The following CADPS2 variants were observed in gnomAD, a reference collection of about 807,000 sequenced individuals.
CADPS2 encodes the protein calcium dependent secretion activator 2, also known as calcium-dependent secretion activator 2.
A neutral mutation model predicts 172.5 loss-of-function variants in CADPS2; 93 were observed. That is an observed-to-expected ratio of 0.54 (90% CI 0.46 to 0.64). The LOEUF (loss-of-function observed/expected upper bound fraction) is 0.64, where lower values mean the gene tolerates loss of function less well. Ranked by LOEUF, CADPS2 falls within the 30% of genes least tolerant of loss-of-function variation. The pLI, the probability that CADPS2 is intolerant of heterozygous loss-of-function variation, is 0.00. For missense variants in CADPS2, 1,420 were observed against 1,565.9 expected, an observed-to-expected ratio of 0.91 and a Z score of 1.57; for synonymous variants, 546 against 555.2, an observed-to-expected ratio of 0.98 and a Z score of 0.23.
chr7:122,692,094 C>T (rs747636733), intron 2 of CADPS2, among the ~76,000 whole-genome samples: 1 of 152,188 alleles, frequency 6.6e-6, no homozygotes, highest in Admixed American at 6.5e-5. Flanking sequence ...TACACTTCCA[C>T]CTGACTGCAG....
At chr7:122,429,815 A>G (rs78871266) in intron 17 of CADPS2, among the ~76,000 whole-genome samples, 5,164 of 152,238 alleles carry the variant, frequency 0.034, 270 homozygotes, top group African/African-American at 0.12. Flanking sequence ...GAAAACTGTT[A>G]TATCATCTTA....
intron 16 of CADPS2, among the ~76,000 whole-genome samples, chr7:122,441,288 T>A (rs1013833256): frequency 1.3e-5 from 2 of 152,020 alleles, no homozygotes; most frequent in Non-Finnish European, 2.9e-5. Context: ...AAAGATGCCA[T>A]AATATGAGGA....
intron 1 of CADPS2, among the ~76,000 whole-genome samples, chr7:122,873,283 AT>A (rs1175038894): frequency 1.3e-5 from 2 of 152,142 alleles, no homozygotes; most frequent in African/African-American, 4.8e-5. Context: ...CCACTATGTC[AT>A]CTACATTAGG....
At chr7:122,709,655 C>T (rs1392294639) in intron 2 of CADPS2, among the ~76,000 whole-genome samples, 1 of 151,978 alleles carries the variant, frequency 6.6e-6, no homozygotes, top group African/African-American at 2.4e-5. Context: ...TTGGAACCAA[C>T]CCAAATGTCC....
intron 27 of CADPS2, among the ~76,000 whole-genome samples, chr7:122,356,765 C>T (rs904553072): frequency 1.3e-5 from 2 of 152,170 alleles, no homozygotes; most frequent in African/African-American, 4.8e-5. Flanking sequence ...CTAGCTTAGG[C>T]CACTGGGAGC....
intron 2 of CADPS2, among the ~76,000 whole-genome samples, chr7:122,734,356 TAAAAAAAAAAAAAAAAAAAAAA>T (rs558421546): frequency 4.5e-4 from 21 of 46,282 alleles, no homozygotes; most frequent in African/African-American, 1.7e-3. Flanking sequence ...CCAGAAATAG[TAAAAAAAAAAAAAAAAAAAAAA>T]AAAAAAAAGA....
rs1380101908 is a variant in CADPS2 at position 122,886,374 on chromosome 7, C to T, written c.-37G>A. ...ATCCCCGCCGCTCGGCCCGCGGTCC[C>T]CAAGCGCCTCACCCCCGGCGGCTGC... On this transcript the variant is annotated 5_prime_UTR_variant, in exon 1 of 30. Transcript: ENST00000449022. The T allele has an allele frequency of 2.7e-6, 4 of 1,482,532 alleles. No homozygotes were observed. Among genetic ancestry groups the T allele is most frequent in the Middle Eastern group, 2.3e-4 (1 of 4,392 alleles). 91.8% of individuals were successfully genotyped at this position (1,482,532 alleles called of 1,614,324 possible).
Position 122,466,852 on chromosome 7 carries a change from A to G in CADPS2, c.2186+4523T>C, listed in dbSNP as rs1038580989. ...AGTTCATCAGTAGAGGAGCCAGAAC[A>G]GGAATACAGATGCTCTGATTCCTCA... is the stretch of plus-strand genomic sequence containing the variant. On this transcript the variant is annotated intron_variant, in intron 14 of 29. Transcript: ENST00000449022. 2.7e-4 allele frequency among the ~76,000 whole-genome samples: 41 copies of G among 152,190 alleles called. 1 individual carries two copies. The highest frequency in any genetic ancestry group is 1.5e-5 in the Non-Finnish European group (1 of 68,034).
At chr7:122,619,311 A>G (rs920947803) in intron 5 of CADPS2, among the ~76,000 whole-genome samples, 1 of 152,148 alleles carries the variant, frequency 6.6e-6, no homozygotes, top group African/African-American at 2.4e-5. Flanking sequence ...TTGCTCTACA[A>G]ATTATTTTTT....
At chr7:122,574,089 C>T (rs983569210) in intron 7 of CADPS2, among the ~76,000 whole-genome samples, 45 of 151,654 alleles carry the variant, frequency 3.0e-4, no homozygotes, top group Non-Finnish European at 5.0e-4. Flanking sequence ...AAATTATTTA[C>T]GCAAAATGAG....
At position 122,361,492 on chromosome 7, in the gene CADPS2, A is replaced by C. The variant is rs569098812; in HGVS notation, c.3388-479T>G. ...TGTGATCCACCCGCCTTGGCCTCCC[A>C]AAGTACTGGGATTACAGGTGTGAGC... On this transcript the variant is annotated intron_variant, in intron 25 of 29. Transcript: ENST00000449022. Among the ~76,000 whole-genome samples, 11 of 152,078 alleles carry C rather than the reference A, an allele frequency of 7.2e-5. No homozygotes were observed. In the East Asian group the frequency reaches 1.9e-3, roughly 27 times the overall value.
intron 8 of CADPS2, among the ~76,000 whole-genome samples, chr7:122,530,858 GAAC>G (rs566455145): frequency 6.6e-6 from 1 of 152,138 alleles, no homozygotes; most frequent in Non-Finnish European, 1.5e-5. Flanking sequence ...CTTGATCTCA[GAAC>G]AACAGGATCA....
chr7:122,361,052 T>C, intron 25 of CADPS2, 39 bp from the exon 26 acceptor site: 1 of 1,519,786 alleles, frequency 6.6e-7, no homozygotes, highest in Non-Finnish European at 9.1e-7. Flanking sequence ...AATGTTACTA[T>C]GCATACAAAC....
chr7:122,848,191 T>G (rs1334007992), intron 1 of CADPS2, among the ~76,000 whole-genome samples: 1 of 152,166 alleles, frequency 6.6e-6, no homozygotes, highest in African/African-American at 2.4e-5. Flanking sequence ...AAAGCAATGC[T>G]CTTACTCTCA....
In CADPS2 at chr7:122,736,986, G is replaced by T. The variant is rs1411636409; in HGVS notation, c.422C>A (p.Ala141Glu). 1 of 1,611,340 alleles carries T rather than the reference G, an allele frequency of 6.2e-7. No homozygotes were observed. The highest frequency in any genetic ancestry group is 8.5e-7 in the Non-Finnish European group (1 of 1,177,668). Residue 141 changes from alanine to glutamate, a missense_variant, in exon 2 of 30, where the codon GCA (alanine) becomes GAA (glutamate). Physicochemically the swap from Ala to Glu is moderately radical, Grantham distance 107 (BLOSUM62 -1). Coordinates refer to ENST00000449022, the MANE Select transcript of CADPS2 (RefSeq NM_017954.11). ...NGETQIVADE[A>E]FCNAVRSYYE... Reference sequence around the variant, plus strand: ...ATAACTCCGAACTGCGTTGCAAAATGCTTCGTCAGCTACAATTTGGGTTTC... The same window carrying T: ...ATAACTCCGAACTGCGTTGCAAAATTCTTCGTCAGCTACAATTTGGGTTTC...
intron 1 of CADPS2, among the ~76,000 whole-genome samples, chr7:122,876,506 C>G (rs572210959): frequency 9.9e-5 from 15 of 152,146 alleles, no homozygotes; most frequent in Non-Finnish European, 1.9e-4. Context: ...GGAACACAGG[C>G]ATGAGTCGCC....
intron 2 of CADPS2, among the ~76,000 whole-genome samples, chr7:122,699,318 C>G (rs1481524184): frequency 6.6e-6 from 1 of 152,128 alleles, no homozygotes; most frequent in Non-Finnish European, 1.5e-5. Flanking sequence ...TAGTAGATAG[C>G]ACATTAAACT....
At chr7:122,662,375 CT>C (rs57852366) in intron 3 of CADPS2, among the ~76,000 whole-genome samples, 50,438 of 127,418 alleles carry the variant, frequency 0.4, 10,061 homozygotes, top group East Asian at 0.51. Context: ...TCCTTCCCTG[CT>C]TTTTTTTTTT....
Position 122,607,725 on chromosome 7 carries a change from T to C in CADPS2, c.1223+7456A>G, listed in dbSNP as rs546850061. Among the ~76,000 whole-genome samples the C allele has an allele frequency of 5.5e-4, 83 of 152,284 alleles. 2 individuals carry two copies. Among genetic ancestry groups the C allele is most frequent in the Admixed American group, 5.4e-3 (83 of 15,288 alleles). ...TTATTATAAATAAATTCTCAATGAA[T>C]GTAAATTTCTGTATTTGGCTAATGC... On this transcript the variant is annotated intron_variant, in intron 6 of 29. Coordinates refer to ENST00000449022, the MANE Select transcript of CADPS2 (RefSeq NM_017954.11).
Sources: gnomAD v4.1 joint callset for allele counts (sites outside exome capture counted in the v4.1 genomes callset) on GRCh38, gnomAD v4.1.1 for gene constraint, MANE v1.5 for transcripts, NCBI Gene and HGNC (gene_info 2026-07-23, HGNC 2026-07-21) for gene names.